The following LTBP1 variants were observed in gnomAD, a reference collection of about 807,000 sequenced individuals.
LTBP1 encodes latent-transforming growth factor beta-binding protein 1.
In LTBP1, 129 loss-of-function variants were observed where a neutral mutation model predicts 207.6. The ratio of observed to expected loss-of-function variants is 0.62; its 90% CI spans 0.54 to 0.72. LTBP1 has a LOEUF of 0.72. Ranked by LOEUF, LTBP1 falls within the 30% of genes least tolerant of loss-of-function variation. The pLI, the probability that LTBP1 is intolerant of heterozygous loss-of-function variation, is 0.00. For synonymous variants in LTBP1, 963 were observed against 833.7 expected, an observed-to-expected ratio of 1.16 and a Z score of -2.67; for missense variants, 2,281 against 2,217.2, an observed-to-expected ratio of 1.03 and a Z score of -0.58.
intron 2 of LTBP1, among the ~76,000 whole-genome samples, chr2:32,985,262 G>A (rs6759846): frequency 0.05 from 4,769 of 95,482 alleles, 245 homozygotes; most frequent in African/African-American, 0.13. Context: ...GAGTGACATG[G>A]TACTGTCTAC....
At chr2:33,218,710 A>C (rs2090895048) in intron 8 of LTBP1, among the ~76,000 whole-genome samples, 3 of 152,204 alleles carry the variant, frequency 2.0e-5, no homozygotes, top group African/African-American at 7.2e-5. Context: ...AATAGTTTTT[A>C]GAGACAGAGG....
intron 26 of LTBP1, among the ~76,000 whole-genome samples, chr2:33,358,383 G>T (rs887555907): frequency 6.6e-6 from 1 of 151,594 alleles, no homozygotes; most frequent in Non-Finnish European, 1.5e-5. Flanking sequence ...TACCATATAT[G>T]TATTTGTCTA....
At chr2:33,296,651 T>C (rs1045633431) in intron 20 of LTBP1, among the ~76,000 whole-genome samples, 2 of 152,088 alleles carry the variant, frequency 1.3e-5, no homozygotes, top group African/African-American at 4.8e-5. Flanking sequence ...GAAAGATTGG[T>C]TGGGGAGACA....
intron 3 of LTBP1, among the ~76,000 whole-genome samples, chr2:33,060,488 A>G (rs2077209702): frequency 6.7e-6 from 1 of 150,346 alleles, no homozygotes; most frequent in South Asian, 2.1e-4. Flanking sequence ...TTGTATCTTA[A>G]TTTGGGCTGT....
intron 3 of LTBP1, among the ~76,000 whole-genome samples, chr2:33,090,393 G>A (rs1029343972): frequency 3.3e-5 from 5 of 152,106 alleles, no homozygotes; most frequent in South Asian, 2.1e-4. Flanking sequence ...ATGGTATGCC[G>A]AATCTGTCTT....
chr2:33,172,611 C>A (rs953275082), intron 5 of LTBP1, among the ~76,000 whole-genome samples: 1 of 152,148 alleles, frequency 6.6e-6, no homozygotes, highest in African/African-American at 2.4e-5. Context: ...AGAAAGTTAA[C>A]AAGGATACCC....
chr2:33,285,613 T>G (rs1029910458), intron 19 of LTBP1, among the ~76,000 whole-genome samples: 1 of 152,040 alleles, frequency 6.6e-6, no homozygotes. Context: ...TATGCCCGGC[T>G]AATTTTTGTA....
intron 3 of LTBP1, among the ~76,000 whole-genome samples, chr2:33,034,177 G>A (rs1163686433): frequency 6.6e-6 from 1 of 150,536 alleles, no homozygotes; most frequent in East Asian, 1.9e-4. Flanking sequence ...GCATGGATAC[G>A]CAAATCTACA....
At chr2:33,049,272 C>T (rs2076606234) in intron 3 of LTBP1, among the ~76,000 whole-genome samples, 1 of 152,068 alleles carries the variant, frequency 6.6e-6, no homozygotes, top group Admixed American at 6.5e-5. Context: ...TAACATTTTC[C>T]AATAAGTTTG....
At chr2:33,163,609 T>C (rs111255784) in intron 5 of LTBP1, among the ~76,000 whole-genome samples, 2,334 of 152,292 alleles carry the variant, frequency 0.015, 23 homozygotes, top group East Asian at 0.027. Flanking sequence ...AAACGCATTA[T>C]AGTTAGTTGC....
At chr2:33,005,689 C>G (rs1269708167) in intron 2 of LTBP1, among the ~76,000 whole-genome samples, 8 of 150,178 alleles carry the variant, frequency 5.3e-5, no homozygotes, top group African/African-American at 2.0e-4. Flanking sequence ...CAGGCTCAAG[C>G]AATTCTCGTC....
At position 33,262,829 on chromosome 2, in the gene LTBP1, G is replaced by A; in HGVS notation, c.2518+8G>A. Reference sequence around the variant, plus strand: ...TGCATCCACAGTTTCCAGGTAGCCTGTGTTGATCTGTGCTGTTTGTCAGAG... The same window carrying A: ...TGCATCCACAGTTTCCAGGTAGCCTATGTTGATCTGTGCTGTTTGTCAGAG... On this transcript the variant is annotated splice_region_variant and intron_variant, in intron 14 of 33. Transcript: ENST00000404816. 4 of 1,581,508 alleles carry A rather than the reference G, an allele frequency of 2.5e-6. No homozygotes were observed. Among genetic ancestry groups the A allele is most frequent in the Non-Finnish European group, 2.6e-6 (3 of 1,155,744 alleles).
At chr2:33,084,474 A>G (rs994722233) in intron 3 of LTBP1, among the ~76,000 whole-genome samples, 1 of 152,110 alleles carries the variant, frequency 6.6e-6, no homozygotes, top group African/African-American at 2.4e-5. Context: ...AGGAACTCTT[A>G]GGGATCCCGG....
At chr2:33,277,760 CCTTTCTTTCTTTCTTT>C (rs370778507) in intron 18 of LTBP1, among the ~76,000 whole-genome samples, 29,946 of 95,768 alleles carry the variant, frequency 0.31, 4,644 homozygotes, top group Non-Finnish European at 0.38. Flanking sequence ...TTTTTTTTTC[CCTTTCTTTCTTTCTTT>C]CTTTCTTTCT....
intron 11 of LTBP1, among the ~76,000 whole-genome samples, chr2:33,256,603 C>T (rs965245550): frequency 6.6e-6 from 1 of 150,802 alleles, no homozygotes; most frequent in Non-Finnish European, 1.5e-5. Flanking sequence ...CATATACATG[C>T]AACATGAGAT....
intron 9 of LTBP1, among the ~76,000 whole-genome samples, chr2:33,240,096 CA>C (rs2092249989): frequency 6.6e-6 from 1 of 152,156 alleles, no homozygotes; most frequent in Admixed American, 6.5e-5. Flanking sequence ...GTTTACCATT[CA>C]CCCGTCACGT....
chr2:33,200,189 C>A, intron 7 of LTBP1, among the ~76,000 whole-genome samples: 1 of 152,118 alleles, frequency 6.6e-6, no homozygotes, highest in Non-Finnish European at 1.5e-5. Flanking sequence ...GCCAAAAGAA[C>A]AAAGCTGGAG....
At chr2:33,295,328 A>C (rs2093853910) in intron 20 of LTBP1, among the ~76,000 whole-genome samples, 1 of 152,078 alleles carries the variant, frequency 6.6e-6, no homozygotes, top group Non-Finnish European at 1.5e-5. Flanking sequence ...GGAGTTCGAG[A>C]CCAGCTTGGC....
chr2:33,263,170 G>A, intron 14 of LTBP1, 124 bp from the exon 15 acceptor site: 1 of 677,058 alleles, frequency 1.5e-6, no homozygotes, highest in Middle Eastern at 4.0e-4. Flanking sequence ...ACATAGAACA[G>A]TTCTTTATAT....
Sources: allele counts gnomAD v4.1 joint callset (sites outside exome capture counted in the v4.1 genomes callset), GRCh38; gene constraint gnomAD v4.1.1; transcripts MANE v1.5; gene names NCBI Gene and HGNC (gene_info 2026-07-23, HGNC 2026-07-21).